LRRC4C: variants seen among roughly 807,000 people sequenced by gnomAD.
LRRC4C encodes leucine rich repeat containing 4C, also known as leucine-rich repeat-containing protein 4C.
LRRC4C carries 5 observed loss-of-function variants against 33.6 expected under a neutral mutation model. The observed-to-expected ratio is 0.15, with a 90% CI of 0.08 to 0.31. LRRC4C has a LOEUF of 0.31. LRRC4C is among the 10% of genes least tolerant of loss of function. The pLI is 1.00. For missense variants in LRRC4C, 560 were observed against 796.7 expected, an observed-to-expected ratio of 0.70 and a Z score of 3.58; for synonymous variants, 329 against 302.0, an observed-to-expected ratio of 1.09 and a Z score of -0.93.
chr11:40,851,968 C>T (rs1279016192), intron 2 of LRRC4C, among the ~76,000 whole-genome samples: 1 of 151,958 alleles, frequency 6.6e-6, no homozygotes, highest in Non-Finnish European at 1.5e-5. Flanking sequence ...AAGGAGCAGA[C>T]TTTTTTTGTA....
At chr11:40,924,090 GTGTGTGTGTA>G (rs1298956135) in intron 2 of LRRC4C, among the ~76,000 whole-genome samples, 1 of 144,194 alleles carries the variant, frequency 6.9e-6, no homozygotes, top group East Asian at 2.1e-4. Context: ...GTATATATGT[GTGTGTGTGTA>G]TGTGTGTGTG....
At chr11:40,566,989 A>C (rs1484236127) in intron 3 of LRRC4C, among the ~76,000 whole-genome samples, 1 of 152,112 alleles carries the variant, frequency 6.6e-6, no homozygotes, top group Non-Finnish European at 1.5e-5. Flanking sequence ...TACTTATTAT[A>C]GTTCTTTAGA....
intron 1 of LRRC4C, among the ~76,000 whole-genome samples, chr11:41,041,045 T>C (rs780742048): frequency 7.2e-5 from 11 of 152,196 alleles, no homozygotes; most frequent in Non-Finnish European, 1.0e-4. Flanking sequence ...GAATTTGTTT[T>C]AGAATTCAAG....
At position 40,869,349 on chromosome 11, in the gene LRRC4C, G is replaced by A. The variant is rs1954524386; in HGVS notation, c.-407+64286C>T. ...GTCAGGCAGACATAAGCAGGGGCAG[G>A]AGAGGGACCCCCACCATCAGGAATG... On this transcript the variant is annotated intron_variant, in intron 2 of 6. Transcript: ENST00000528697. 2.6e-5 allele frequency among the ~76,000 whole-genome samples: 4 copies of A among 152,094 alleles called. No homozygotes were observed. The South Asian group carries it at 8.3e-4, about 32-fold the overall frequency.
intron 3 of LRRC4C, among the ~76,000 whole-genome samples, chr11:40,410,812 G>GT (rs776569506): frequency 3.2e-4 from 49 of 152,088 alleles, no homozygotes; most frequent in Non-Finnish European, 6.2e-4. Context: ...GAAATGTCAT[G>GT]TTTTTTTGCT....
intron 1 of LRRC4C, among the ~76,000 whole-genome samples, chr11:41,402,764 C>T (rs1954074653): frequency 6.6e-6 from 1 of 151,878 alleles, no homozygotes. Flanking sequence ...AAGAGAAAAA[C>T]ACAGAATCTG....
intron 1 of LRRC4C, among the ~76,000 whole-genome samples, chr11:41,059,144 A>C (rs1590386020): frequency 6.6e-6 from 1 of 151,532 alleles, no homozygotes; most frequent in Non-Finnish European, 1.5e-5. Context: ...TCAGCACCAA[A>C]CCCTAATGAC....
chr11:41,013,266 C>T (rs1855343536), intron 1 of LRRC4C, among the ~76,000 whole-genome samples: 1 of 152,128 alleles, frequency 6.6e-6, no homozygotes, highest in African/African-American at 2.4e-5. Flanking sequence ...TCATTGTATC[C>T]ACTGCTTTTA....
intron 2 of LRRC4C, among the ~76,000 whole-genome samples, chr11:40,855,117 C>A (rs931045493): frequency 6.6e-6 from 1 of 152,080 alleles, no homozygotes. Flanking sequence ...GAAATAAAGA[C>A]CATTTTCAGT....
At chr11:40,335,208 G>T (rs545018833) in intron 3 of LRRC4C, among the ~76,000 whole-genome samples, 2 of 152,172 alleles carry the variant, frequency 1.3e-5, no homozygotes, top group East Asian at 3.9e-4. Flanking sequence ...AAGTCAGAAT[G>T]CAACCTGTGT....
At chr11:40,801,286 C>G (rs1297182240) in intron 2 of LRRC4C, among the ~76,000 whole-genome samples, 1 of 152,092 alleles carries the variant, frequency 6.6e-6, no homozygotes, top group Non-Finnish European at 1.5e-5. Context: ...GGTATATTTG[C>G]CATTCCCTCC....
intron 1 of LRRC4C, among the ~76,000 whole-genome samples, chr11:41,456,569 A>G (rs1177725097): frequency 6.6e-6 from 1 of 152,130 alleles, no homozygotes; most frequent in Non-Finnish European, 1.5e-5. Flanking sequence ...AAGAAACGGA[A>G]TGTCCTTTAT....
chr11:41,378,217 G>A (rs1441527208), intron 1 of LRRC4C, among the ~76,000 whole-genome samples: 2 of 152,062 alleles, frequency 1.3e-5, no homozygotes. Context: ...TAATCAAAGA[G>A]AAACAGATGC....
chr11:40,214,803 A>G (rs1045776400), intron 5 of LRRC4C, among the ~76,000 whole-genome samples: 2 of 152,286 alleles, frequency 1.3e-5, no homozygotes, highest in East Asian at 3.9e-4. Context: ...ATGGTGGCCC[A>G]GGCAGACTAA....
At chr11:40,923,415 A>T (rs962917100) in intron 2 of LRRC4C, among the ~76,000 whole-genome samples, 1 of 152,174 alleles carries the variant, frequency 6.6e-6, no homozygotes, top group African/African-American at 2.4e-5. Context: ...TAAATGTGGC[A>T]GTGTATATTG....
At chr11:40,339,286 A>G (rs1006098958) in intron 3 of LRRC4C, among the ~76,000 whole-genome samples, 5 of 152,164 alleles carry the variant, frequency 3.3e-5, no homozygotes, top group African/African-American at 1.2e-4. Flanking sequence ...AATAAAGAAC[A>G]CTTTGTCTTT....
At chr11:40,463,543 C>T (rs1408986557) in intron 3 of LRRC4C, among the ~76,000 whole-genome samples, 2 of 152,002 alleles carry the variant, frequency 1.3e-5, no homozygotes, top group Non-Finnish European at 2.9e-5. Flanking sequence ...TGAATAGGAT[C>T]TCACACTATC....
chr11:40,487,296 T>C, intron 3 of LRRC4C, among the ~76,000 whole-genome samples: 1 of 152,076 alleles, frequency 6.6e-6, no homozygotes, highest in East Asian at 1.9e-4. Context: ...ATTACAACAT[T>C]TATAAAGAAT....
chr11:40,632,242 C>T (rs1284850881), intron 3 of LRRC4C, among the ~76,000 whole-genome samples: 1 of 152,180 alleles, frequency 6.6e-6, no homozygotes, highest in Non-Finnish European at 1.5e-5. Flanking sequence ...CTGGCCCAGA[C>T]TCAAAAATAA....
Sources: allele counts gnomAD v4.1 joint callset (sites outside exome capture counted in the v4.1 genomes callset), GRCh38; gene constraint gnomAD v4.1.1; transcripts MANE v1.5; gene names NCBI Gene and HGNC (gene_info 2026-07-23, HGNC 2026-07-21).